EFNA5: variants seen among roughly 807,000 people sequenced by gnomAD.
EFNA5 encodes the protein ephrin A5, also known as ephrin-A5.
EFNA5 carries 5 observed loss-of-function variants against 22.9 expected under a neutral mutation model. That is an observed-to-expected ratio of 0.22 (90% CI 0.11 to 0.46). EFNA5 has a LOEUF of 0.46. Ranked by LOEUF, EFNA5 falls within the 20% of genes least tolerant of loss-of-function variation. The pLI is 0.99. For missense variants in EFNA5, 237 were observed against 293.3 expected (o/e 0.81, Z 1.40); for synonymous variants, 113 against 112.2 (o/e 1.01, Z -0.04).
At chr5:107,610,323 A>G (rs1749801877) in intron 1 of EFNA5, among the ~76,000 whole-genome samples, 2 of 152,236 alleles carry the variant, frequency 1.3e-5, no homozygotes. Flanking sequence ...ATTTACAGAG[A>G]CAAGCTGAGC....
At position 107,591,917 on chromosome 5, in the gene EFNA5, T is replaced by C. The variant is rs1267889890; in HGVS notation, c.125+78572A>G. On this transcript the variant is annotated intron_variant, in intron 1 of 4. Transcript: ENST00000333274. ...TATATATAATATATAATATAAAAAA[T>C]ATATATATAATATATAATATATATA... Among the ~76,000 whole-genome samples the C allele has an allele frequency of 3.0e-4, 2 of 6,630 alleles. 1 individual carries two copies. Among genetic ancestry groups the C allele is most frequent in the African/African-American group, 3.2e-3 (2 of 618 alleles). The allele number at this position is 6,630 out of a possible 152,430, so 4.3% of individuals were successfully genotyped here. A position where few individuals can be genotyped will look rare whatever the true frequency, so the allele number is the denominator to read the frequency against.
intron 1 of EFNA5, among the ~76,000 whole-genome samples, chr5:107,446,926 G>T (rs1235800899): frequency 2.0e-5 from 3 of 152,048 alleles, no homozygotes; most frequent in Non-Finnish European, 2.9e-5. Context: ...GGTAATTCTG[G>T]GACACAAAGG....
At chr5:107,594,366 G>A (rs1749433311) in intron 1 of EFNA5, among the ~76,000 whole-genome samples, 1 of 152,066 alleles carries the variant, frequency 6.6e-6, no homozygotes, top group African/African-American at 2.4e-5. Flanking sequence ...GTACTGAGAG[G>A]CACAGAGACA....
At chr5:107,528,269 G>A (rs1158761823) in intron 1 of EFNA5, among the ~76,000 whole-genome samples, 1 of 152,156 alleles carries the variant, frequency 6.6e-6, no homozygotes, top group Non-Finnish European at 1.5e-5. Flanking sequence ...AAGCCAGAAA[G>A]AAGACCTTTG....
intron 1 of EFNA5, among the ~76,000 whole-genome samples, chr5:107,642,590 C>A (rs1340872524): frequency 6.6e-6 from 1 of 152,056 alleles, no homozygotes; most frequent in Non-Finnish European, 1.5e-5. Context: ...GAGAATATCA[C>A]CACTTAATCA....
At chr5:107,579,300 T>C (rs1355156362) in intron 1 of EFNA5, among the ~76,000 whole-genome samples, 3 of 152,186 alleles carry the variant, frequency 2.0e-5, no homozygotes, top group South Asian at 2.1e-4. Flanking sequence ...CAGGTTCAAC[T>C]TTCCAGAGCT....
At chr5:107,457,242 A>T (rs1254888734) in intron 1 of EFNA5, among the ~76,000 whole-genome samples, 3 of 152,112 alleles carry the variant, frequency 2.0e-5, no homozygotes, top group African/African-American at 7.2e-5. Context: ...ACCTGTTATG[A>T]TCTAAAGTTC....
chr5:107,636,185 A>G (rs555709784), intron 1 of EFNA5, among the ~76,000 whole-genome samples: 2 of 152,304 alleles, frequency 1.3e-5, no homozygotes, highest in South Asian at 4.1e-4. Flanking sequence ...TCTGTTTTGC[A>G]TATATGTGTG....
At chr5:107,568,017 T>C (rs1748698510) in intron 1 of EFNA5, among the ~76,000 whole-genome samples, 1 of 152,080 alleles carries the variant, frequency 6.6e-6, no homozygotes, top group African/African-American at 2.4e-5. Flanking sequence ...CCACCTCAGC[T>C]TCCCAAGTAG....
chr5:107,448,128 A>G (rs1321193647), intron 1 of EFNA5, among the ~76,000 whole-genome samples: 1 of 152,174 alleles, frequency 6.6e-6, no homozygotes, highest in African/African-American at 2.4e-5. Context: ...GAAGGTGCAG[A>G]ACATGATTGG....
chr5:107,511,271 C>T (rs997842107), intron 1 of EFNA5, among the ~76,000 whole-genome samples: 1 of 152,092 alleles, frequency 6.6e-6, no homozygotes, highest in Non-Finnish European at 1.5e-5. Context: ...GGTGATCAGC[C>T]CGCCTCGGCA....
intron 2 of EFNA5, among the ~76,000 whole-genome samples, chr5:107,413,601 T>G (rs1040603332): frequency 6.6e-6 from 1 of 152,202 alleles, no homozygotes; most frequent in African/African-American, 2.4e-5. Context: ...TTCTTATCAC[T>G]TGATATCTTG....
chr5:107,401,262 A>C (rs1241110057), intron 2 of EFNA5, among the ~76,000 whole-genome samples: 1 of 152,162 alleles, frequency 6.6e-6, no homozygotes, highest in East Asian at 1.9e-4. Flanking sequence ...AGGAAGATTT[A>C]TTGTATTACT....
intron 1 of EFNA5, among the ~76,000 whole-genome samples, chr5:107,576,013 C>G (rs1368743748): frequency 6.6e-6 from 1 of 152,152 alleles, no homozygotes; most frequent in African/African-American, 2.4e-5. Context: ...AAATGCCAGG[C>G]AAACAGTAAC....
chr5:107,597,745 G>A (rs549253597), intron 1 of EFNA5, among the ~76,000 whole-genome samples: 1 of 152,090 alleles, frequency 6.6e-6, no homozygotes, highest in Non-Finnish European at 1.5e-5. Flanking sequence ...AATTTCAACA[G>A]ACCGTGAACC....
chr5:107,620,498 T>C (rs1190642064), intron 1 of EFNA5, among the ~76,000 whole-genome samples: 1 of 152,206 alleles, frequency 6.6e-6, no homozygotes, highest in Non-Finnish European at 1.5e-5. Flanking sequence ...AAAAATACAT[T>C]TTTTTCTGAC....
intron 1 of EFNA5, among the ~76,000 whole-genome samples, chr5:107,513,388 T>C (rs1028455494): frequency 1.3e-5 from 2 of 152,138 alleles, no homozygotes; most frequent in Non-Finnish European, 2.9e-5. Context: ...TGTTTCCAAA[T>C]CATTTGCTAC....
chr5:107,628,203 T>A (rs79979380), intron 1 of EFNA5, among the ~76,000 whole-genome samples: 1,764 of 152,270 alleles, frequency 0.012, 18 homozygotes, highest in Non-Finnish European at 0.017. Context: ...TAGTGGAAGA[T>A]AATTGCTTCT....
intron 1 of EFNA5, among the ~76,000 whole-genome samples, chr5:107,515,939 T>C (rs1747466277): frequency 6.6e-6 from 1 of 152,208 alleles, no homozygotes. Context: ...CATCCATTTG[T>C]TGAATTACCA....
Sources: allele counts gnomAD v4.1 joint callset (sites outside exome capture counted in the v4.1 genomes callset), GRCh38; gene constraint gnomAD v4.1.1; transcripts MANE v1.5; gene names NCBI Gene and HGNC (gene_info 2026-07-23, HGNC 2026-07-21).